The following VAMP7 variants were observed in gnomAD, a reference collection of about 807,000 sequenced individuals.
VAMP7 encodes the protein vesicle associated membrane protein 7, also known as vesicle-associated membrane protein 7.
A neutral mutation model predicts 29.6 loss-of-function variants in VAMP7; 14 were observed. The observed-to-expected ratio is 0.47, with a 90% CI of 0.31 to 0.74. The LOEUF is 0.74. Ranked by LOEUF, VAMP7 falls within the 30% of genes least tolerant of loss-of-function variation. The pLI is 0.05. For missense variants in VAMP7, 223 were observed against 262.4 expected, an observed-to-expected ratio of 0.85 and a Z score of 1.04; for synonymous variants, 95 against 88.1, an observed-to-expected ratio of 1.08 and a Z score of -0.44.
At chrX:155,886,658 A>G (rs1441290496) in intron 1 of VAMP7, among the ~76,000 whole-genome samples, 1 of 152,112 alleles carries the variant, frequency 6.6e-6, no homozygotes, top group Non-Finnish European at 1.5e-5. Context: ...TCTCACCCAT[A>G]TTGTATTGCC....
At chrX:155,908,801 G>GT (rs1464611586) in intron 5 of VAMP7, among the ~76,000 whole-genome samples, 3 of 151,836 alleles carry the variant, frequency 2.0e-5, no homozygotes, top group South Asian at 4.2e-4. Context: ...TTTTGTTTTT[G>GT]TTTTTTGAGA....
chrX:155,940,432 G>A (rs1259094313), intron 7 of VAMP7, among the ~76,000 whole-genome samples: 1 of 152,152 alleles, frequency 6.6e-6, no homozygotes. Flanking sequence ...AAAGAGAAGA[G>A]CAGTCATAGA....
chrX:155,887,937 CAAA>C (rs771113450), intron 1 of VAMP7, among the ~76,000 whole-genome samples: 16 of 98,604 alleles, frequency 1.6e-4, no homozygotes, highest in Admixed American at 2.3e-4. Flanking sequence ...GACCCTGTCT[CAAA>C]AAAAAAAAAA....
intron 5 of VAMP7, among the ~76,000 whole-genome samples, chrX:155,911,591 T>C (rs1271938637): frequency 6.6e-6 from 1 of 152,174 alleles, no homozygotes; most frequent in Non-Finnish European, 1.5e-5. Context: ...GACCATAAGA[T>C]GTCTTTCTGT....
chrX:155,942,091 C>A lies in VAMP7; in HGVS notation c.*140C>A. 6.4e-7 allele frequency: 1 copy of A among 1,558,834 alleles called. No individual in the cohort carries two copies. The highest frequency in any genetic ancestry group is 8.7e-7 in the Non-Finnish European group (1 of 1,150,512). ...TCTTCTCACTTTTTAAAATCTTGTT[C>A]CATGCCTCCAGGTTTATCTTTGTCT... On this transcript the variant is annotated 3_prime_UTR_variant, in exon 8 of 8. Transcript: ENST00000286448.
rs567748497 is a variant in VAMP7 at position 155,943,657 on chromosome X, A to G, written c.*1706A>G. ...GATGTGCATGTTTTAGGGATCAATT[A>G]CCTAACTGTTCCTTGGTCTATTTAT... is the stretch of plus-strand genomic sequence containing the variant. On this transcript the variant is annotated 3_prime_UTR_variant, in exon 8 of 8. Transcript: ENST00000286448. 1 of 152,294 alleles carries G rather than the reference A, an allele frequency of 6.6e-6. No individual in the cohort carries two copies. Among genetic ancestry groups the G allele is most frequent in the East Asian group, 1.9e-4 (1 of 5,176 alleles). The allele number at this position is 152,294 out of a possible 1,614,324, so 9.4% of individuals were successfully genotyped here.
intron 6 of VAMP7, among the ~76,000 whole-genome samples, chrX:155,930,810 A>G (rs1396252816): frequency 1.3e-5 from 2 of 151,916 alleles, no homozygotes; most frequent in East Asian, 3.9e-4. Context: ...TGCTGCACCC[A>G]TTAACTCATC....
intron 6 of VAMP7, among the ~76,000 whole-genome samples, chrX:155,924,550 G>A (rs750124008): frequency 6.6e-6 from 1 of 151,974 alleles, no homozygotes; most frequent in Admixed American, 6.6e-5. Context: ...TACAAAATTT[G>A]CCCTTTTGTG....
At chrX:155,890,414 G>T (rs2065913498) in intron 2 of VAMP7, among the ~76,000 whole-genome samples, 2 of 152,228 alleles carry the variant, frequency 1.3e-5, no homozygotes, top group African/African-American at 4.8e-5. Flanking sequence ...AGGCTGGAGT[G>T]CAGTGGTGCG....
At chrX:155,920,487 A>T (rs893354219) in intron 6 of VAMP7, among the ~76,000 whole-genome samples, 22 of 152,070 alleles carry the variant, frequency 1.4e-4, no homozygotes, top group Non-Finnish European at 3.1e-4. Context: ...GATCAGCTAC[A>T]ATTTGGGTCT....
chrX:155,917,631 C>T (rs1026441194), intron 5 of VAMP7, among the ~76,000 whole-genome samples: 14 of 152,154 alleles, frequency 9.2e-5, no homozygotes, highest in East Asian at 1.9e-4. Context: ...GTATCACCAG[C>T]GGAGGCTGCA....
At chrX:155,924,051 C>T (rs925502767) in intron 6 of VAMP7, among the ~76,000 whole-genome samples, 1 of 152,082 alleles carries the variant, frequency 6.6e-6, no homozygotes, top group Non-Finnish European at 1.5e-5. Flanking sequence ...ACATGTAATG[C>T]AAATTTTGAT....
intron 7 of VAMP7, 76 bp downstream of exon 7, chrX:155,939,869 T>A: frequency 8.4e-7 from 1 of 1,191,896 alleles, no homozygotes; most frequent in East Asian, 2.3e-5. Flanking sequence ...TATTTCTCAA[T>A]GATTAACACT....
Position 155,943,672 on chromosome X carries a change from G to C in VAMP7, c.*1721G>C, listed in dbSNP as rs896293496. ...GGGATCAATTACCTAACTGTTCCTT[G>C]GTCTATTTATGTATAAGAATGCTTT... On this transcript the variant is annotated 3_prime_UTR_variant, in exon 8 of 8. Transcript: ENST00000286448. The C allele has an allele frequency of 1.3e-5, 2 of 151,898 alleles. No homozygotes were observed. The highest frequency in any genetic ancestry group is 4.8e-5 in the African/African-American group (2 of 41,346). The allele number at this position is 151,898 out of a possible 1,614,324, so 9.4% of individuals were successfully genotyped here. A position where few individuals can be genotyped will look rare whatever the true frequency, so the allele number is the denominator to read the frequency against.
At chrX:155,899,883 G>A (rs956210876) in intron 4 of VAMP7, among the ~76,000 whole-genome samples, 4 of 151,984 alleles carry the variant, frequency 2.6e-5, no homozygotes, top group South Asian at 2.1e-4. Context: ...ATAATATCCC[G>A]TTTGAAGCAC....
intron 4 of VAMP7, among the ~76,000 whole-genome samples, chrX:155,900,095 C>T (rs1048747700): frequency 6.6e-6 from 1 of 151,994 alleles, no homozygotes; most frequent in Non-Finnish European, 1.5e-5. Flanking sequence ...CCTCATCATA[C>T]TCAAGAAGTG....
At chrX:155,914,473 A>G (rs1012578919) in intron 5 of VAMP7, among the ~76,000 whole-genome samples, 10 of 152,148 alleles carry the variant, frequency 6.6e-5, no homozygotes, top group Non-Finnish European at 5.9e-5. Context: ...GCTTTTGCCC[A>G]TTCAGTATGA....
chrX:155,935,910 CT>C (rs2066646264), intron 6 of VAMP7, among the ~76,000 whole-genome samples: 1 of 151,990 alleles, frequency 6.6e-6, no homozygotes, highest in African/African-American at 2.4e-5. Flanking sequence ...GTTAGTTTTC[CT>C]TCTAACAGTC....
chrX:155,885,108 C>T (rs2065850057), intron 1 of VAMP7, among the ~76,000 whole-genome samples: 1 of 152,152 alleles, frequency 6.6e-6, no homozygotes, highest in African/African-American at 2.4e-5. Flanking sequence ...TACAATAATT[C>T]CTCTATTAAA....
Sources: allele counts gnomAD v4.1 joint callset (sites outside exome capture counted in the v4.1 genomes callset), GRCh38; gene constraint gnomAD v4.1.1; transcripts MANE v1.5; gene names NCBI Gene and HGNC (gene_info 2026-07-23, HGNC 2026-07-21).